C3orf38: variants seen among roughly 807,000 people sequenced by gnomAD.
C3orf38 encodes chromosome 3 open reading frame 38.
A neutral mutation model predicts 28.3 loss-of-function variants in C3orf38; 18 were observed. That is an observed-to-expected ratio of 0.64 (90% CI 0.44 to 0.94). The LOEUF (loss-of-function observed/expected upper bound fraction) is 0.94. Ranked by LOEUF, C3orf38 falls within the 40% of genes least tolerant of loss-of-function variation. C3orf38 has a pLI of 0.00. For missense variants in C3orf38, 364 were observed against 396.4 expected (o/e 0.92, Z 0.69); for synonymous variants, 145 against 138.1 (o/e 1.05, Z -0.35).
At position 88,156,567 on chromosome 3, in the gene C3orf38, T is replaced by C. The variant is rs757356589; in HGVS notation, c.922T>C (p.Cys308Arg). 6.2e-7 allele frequency: 1 copy of C among 1,613,918 alleles called. No individual in the cohort carries two copies. Among genetic ancestry groups the C allele is most frequent in the Non-Finnish European group, 8.5e-7 (1 of 1,180,014 alleles). ...GGCCTTTTATAATGTAATCACTGTA[T>C]GTGGTACCAATGAAGTACGACATAA... The part of the protein sequence containing the change: ...LEAFYNVITV[C>R]GTNEVRHNVK... The change falls in exon 3 of 3, where the codon TGT becomes CGT. Residue 308 changes from cysteine to arginine, a missense_variant. Physicochemically the swap from Cys to Arg is radical, Grantham distance 180 (BLOSUM62 -3). Coordinates refer to ENST00000318887, the MANE Select transcript of C3orf38 (RefSeq NM_173824.4).
At chr3:88,150,763 T>G (rs1399821131) in intron 1 of C3orf38, 3 of 152,214 alleles carry the variant, frequency 2.0e-5, no homozygotes, top group Non-Finnish European at 2.9e-5. Context: ...TATAAAAATG[T>G]AAAGCGTTTG....
Position 88,150,238 on chromosome 3 carries a change from C to G in C3orf38, c.133+53C>G. The G allele has an allele frequency of 5.0e-6, 8 of 1,600,980 alleles. No homozygotes were observed. In the South Asian group the frequency reaches 6.6e-5, roughly 13 times the overall value. ...CTGCCGCCCCTTCCCCGGCCTCACG[C>G]CTACCCCGCTTAGGCAGAATCCTCG... On this transcript the variant is annotated intron_variant, in intron 1 of 2. Coordinates refer to ENST00000318887, the MANE Select transcript of C3orf38 (RefSeq NM_173824.4).
intron 2 of C3orf38, 43 bp downstream of exon 2, chr3:88,153,514 C>T: frequency 1.9e-6 from 3 of 1,596,698 alleles, no homozygotes; most frequent in Non-Finnish European, 2.6e-6. Context: ...TTTGTTCTGT[C>T]TGAAACTTTG....
chr3:88,152,708 T>C (rs1707431230), intron 1 of C3orf38, among the ~76,000 whole-genome samples: 1 of 145,102 alleles, frequency 6.9e-6, no homozygotes. Flanking sequence ...TAATCCCAGA[T>C]CGCACCCCTG....
Position 88,156,337 on chromosome 3 carries a change from T to C in C3orf38, c.692T>C (p.Leu231Pro). Residue 231 changes from leucine to proline, a missense_variant, in exon 3 of 3, where the codon CTG becomes CCG. By Grantham distance (98) the Leu-to-Pro change is moderately conservative. Transcript: ENST00000318887. ...GLKCASSPHG[L>P]VMVGVAGTVH... is the part of the protein sequence containing the mutation. Reference sequence around the variant, plus strand: ...AAATGTGCATCTTCTCCTCATGGGCTGGTTATGGTTGGAGTTGCTGGGACT... The same window carrying C: ...AAATGTGCATCTTCTCCTCATGGGCCGGTTATGGTTGGAGTTGCTGGGACT... 1 of 1,614,226 alleles carries C rather than the reference T, an allele frequency of 6.2e-7. No individual in the cohort carries two copies. The highest frequency in any genetic ancestry group is 8.5e-7 in the Non-Finnish European group (1 of 1,180,034).
At position 88,157,624 on chromosome 3, in the gene C3orf38, A is replaced by C. The variant is rs964091007; in HGVS notation, c.*989A>C. Reference sequence around the variant, plus strand: ...TAGAATATTTAGTTTTTTACCTGTTACTAGGTTTGAGTTACATGGTTGAGT... The same window carrying C: ...TAGAATATTTAGTTTTTTACCTGTTCCTAGGTTTGAGTTACATGGTTGAGT... On this transcript the variant is annotated 3_prime_UTR_variant, in exon 3 of 3. Coordinates refer to ENST00000318887, the MANE Select transcript of C3orf38 (RefSeq NM_173824.4). 6.6e-6 allele frequency: 1 copy of C among 152,170 alleles called. No homozygotes were observed. Among genetic ancestry groups the C allele is most frequent in the African/African-American group, 2.4e-5 (1 of 41,450 alleles). The allele number at this position is 152,170 out of a possible 1,614,324, so 9.4% of individuals were successfully genotyped here. A position where few individuals can be genotyped will look rare whatever the true frequency, so the allele number is the denominator to read the frequency against.
chr3:88,150,260 C>T lies in C3orf38; in HGVS notation c.133+75C>T. 4 of 1,552,488 alleles carry T rather than the reference C, an allele frequency of 2.6e-6. No individual in the cohort carries two copies. The Admixed American group carries it at 5.4e-5, about 21-fold the overall frequency. The stretch of plus-strand genomic sequence containing the variant: ...ACGCCTACCCCGCTTAGGCAGAATC[C>T]TCGGGAATGTTGGCCGCAGCCGCAG... On this transcript the variant is annotated intron_variant, in intron 1 of 2. Transcript: ENST00000318887.
At position 88,157,334 on chromosome 3, in the gene C3orf38, G is replaced by A. The variant is rs1707493193; in HGVS notation, c.*699G>A. The A allele has an allele frequency of 6.6e-6, 1 of 152,324 alleles. No homozygotes were observed. The highest frequency in any genetic ancestry group is 2.1e-4 in the South Asian group (1 of 4,832). The allele number at this position is 152,324 out of a possible 1,614,324, so 9.4% of individuals were successfully genotyped here. ...ATTTTCCTTACTGTTTTTGGGCAGTGATAAATGCTGTTCTCGAAATAGACT... is the reference window on the plus strand; with the variant it reads ...ATTTTCCTTACTGTTTTTGGGCAGTAATAAATGCTGTTCTCGAAATAGACT... On this transcript the variant is annotated 3_prime_UTR_variant, in exon 3 of 3. Transcript: ENST00000318887.
chr3:88,153,198 A>AT, intron 1 of C3orf38, 32 bp from the exon 2 acceptor site: 4 of 1,588,836 alleles, frequency 2.5e-6, no homozygotes, highest in Non-Finnish European at 3.4e-6. Context: ...GTGCCTCATG[A>AT]TTTTTTATTA....
rs1329907676 is a variant in C3orf38, at chr3:88,156,094, T to C, written c.449T>C (p.Phe150Ser). 1 of 1,600,432 alleles carries C rather than the reference T, an allele frequency of 6.2e-7. No homozygotes were observed. Among genetic ancestry groups the C allele is most frequent in the South Asian group, 1.1e-5 (1 of 88,114 alleles). Residue 150 changes from phenylalanine to serine, a missense_variant, in exon 3 of 3, where the codon TTT becomes TCT. Transcript: ENST00000318887. ...RLGEEFCHWF[F>S]GLLNSQNPFL... ...GGAGAAGAATTCTGTCATTGGTTCT[T>C]TGGACTTCTTAATTCTCAGAATCCT...
In C3orf38 at chr3:88,153,286, A is replaced by G; in HGVS notation, c.190A>G (p.Arg64Gly). Residue 64 changes from arginine to glycine, a missense_variant, in exon 2 of 3, where the codon AGA becomes GGA. Physicochemically the swap from Arg to Gly is moderately radical, Grantham distance 125. Transcript: ENST00000318887. ...SQSAEELLRR[R>G]KVHREVIFKY... ...AAGTGCAGAAGAACTTCTGAGGCGT[A>G]GAAAAGTCCACCGAGAAGTTATATT... is the stretch of plus-strand genomic sequence containing the variant. 1 of 1,613,688 alleles carries G rather than the reference A, an allele frequency of 6.2e-7. No individual in the cohort carries two copies. Among genetic ancestry groups the G allele is most frequent in the Non-Finnish European group, 8.5e-7 (1 of 1,179,794 alleles).
intron 1 of C3orf38, among the ~76,000 whole-genome samples, chr3:88,152,373 G>A (rs1156918372): frequency 1.3e-5 from 2 of 152,108 alleles, no homozygotes; most frequent in African/African-American, 4.8e-5. Context: ...TCGCGCCACT[G>A]CACTCCAGCC....
At chr3:88,153,821 C>T (rs528646030) in intron 2 of C3orf38, among the ~76,000 whole-genome samples, 117 of 152,224 alleles carry the variant, frequency 7.7e-4, no homozygotes, top group Admixed American at 5.9e-4. Flanking sequence ...GTGGTCCTCC[C>T]GCCTCAGCTG....
chr3:88,152,154 G>T (rs6551279), intron 1 of C3orf38, among the ~76,000 whole-genome samples: 1 of 151,974 alleles, frequency 6.6e-6, no homozygotes, highest in African/African-American at 2.4e-5. Context: ...GGTGGCTCAC[G>T]CCTGTAATCC....
At chr3:88,154,761 G>C (rs1348920201) in intron 2 of C3orf38, among the ~76,000 whole-genome samples, 3 of 152,118 alleles carry the variant, frequency 2.0e-5, no homozygotes, top group Admixed American at 1.3e-4. Context: ...AATAGCAGGT[G>C]CTCAGTAAAC....
At chr3:88,150,822 T>C (rs2107928167) in intron 1 of C3orf38, 1 of 152,326 alleles carries the variant, frequency 6.6e-6, no homozygotes, top group South Asian at 2.1e-4. Flanking sequence ...TTGCTGAATT[T>C]TACTTCAAAA....
rs369061823 is a variant in C3orf38, at chr3:88,156,608, G to A, written c.963G>A (p.Ser321=). The change falls in exon 3 of 3, where the codon TCG becomes TCA. Residue 321 remains serine (S), a synonymous_variant. Transcript: ENST00000318887. ...TACGACATAATGTAAAGCAGGCTTC[G>A]GATAGTGGAACTGGGGACCAAGTTT... ...NEVRHNVKQA[S]DSGTGDQV is the part of the protein sequence containing the mutation. 17 of 1,611,202 alleles carry A rather than the reference G, an allele frequency of 1.1e-5. No individual in the cohort carries two copies. Among genetic ancestry groups the A allele is most frequent in the Admixed American group, 8.3e-5 (5 of 59,892 alleles).
At position 88,156,370 on chromosome 3, in the gene C3orf38, G is replaced by A. The variant is rs1707479852; in HGVS notation, c.725G>A (p.Arg242Gln). ...GTTGGAGTTGCTGGGACTGTCCATC[G>A]AGGAAACACTTGTTTGGGCATTTTT... Reference protein sequence around the residue: ...VMVGVAGTVHRGNTCLGIFEQ... With the variant: ...VMVGVAGTVHQGNTCLGIFEQ... Residue 242 changes from arginine (R) to glutamine (Q), a missense_variant, in exon 3 of 3, where the codon CGA becomes CAA. Transcript: ENST00000318887. The A allele has an allele frequency of 2.5e-6, 4 of 1,614,164 alleles. No homozygotes were observed. The highest frequency in any genetic ancestry group is 3.4e-6 in the Non-Finnish European group (4 of 1,180,044).
At chr3:88,154,587 C>T (rs766852479) in intron 2 of C3orf38, among the ~76,000 whole-genome samples, 2 of 152,226 alleles carry the variant, frequency 1.3e-5, no homozygotes, top group East Asian at 3.9e-4. Flanking sequence ...GAAAGCTTTG[C>T]CTTCACACTA....
Sources: allele counts gnomAD v4.1 joint callset (sites outside exome capture counted in the v4.1 genomes callset), GRCh38; gene constraint gnomAD v4.1.1; transcripts MANE v1.5; gene names NCBI Gene and HGNC (gene_info 2026-07-23, HGNC 2026-07-21).